Variants in TMC5 observed in about 807,000 individuals in gnomAD.
TMC5 encodes transmembrane channel like 5.
In TMC5, 86 loss-of-function variants were observed where a neutral mutation model predicts 110.5. The observed-to-expected ratio is 0.78, with a 90% CI of 0.65 to 0.93. The LOEUF (loss-of-function observed/expected upper bound fraction) is 0.93. Ranked by LOEUF, TMC5 falls within the 40% of genes least tolerant of loss-of-function variation. The probability of loss-of-function intolerance (pLI) is 0.00; values close to 1 mark genes in which losing one functional copy is unlikely to be tolerated. For synonymous variants in TMC5, 455 were observed against 439.5 expected (o/e 1.04, Z -0.44); for missense variants, 1,144 against 1,222.8 (o/e 0.94, Z 0.96).
intron 17 of TMC5, among the ~76,000 whole-genome samples, chr16:19,489,326 AATT>A (rs1444731973): frequency 6.6e-6 from 1 of 152,028 alleles, no homozygotes; most frequent in East Asian, 1.9e-4. Context: ...ATGCCTGGCT[AATT>A]ATTTTTTTAT....
At chr16:19,476,438 C>A (rs1968491280) in intron 12 of TMC5, among the ~76,000 whole-genome samples, 1 of 152,136 alleles carries the variant, frequency 6.6e-6, no homozygotes, top group African/African-American at 2.4e-5. Context: ...ATCCCAGCCA[C>A]CGATCCATGG....
chr16:19,448,315 C>T (rs1174739308), intron 4 of TMC5, among the ~76,000 whole-genome samples: 1 of 151,836 alleles, frequency 6.6e-6, no homozygotes, highest in Admixed American at 6.6e-5. Context: ...CACACACACA[C>T]ACACACACAC....
Position 19,481,315 on chromosome 16 carries a change from A to ATC in TMC5, c.2268-53_2268-52dup, listed in dbSNP as rs1968612850. 36 of 1,217,696 alleles carry ATC rather than the reference A, an allele frequency of 3.0e-5. No homozygotes were observed. In the South Asian group the frequency reaches 4.2e-4, roughly 14 times the overall value. 75.4% of individuals were successfully genotyped at this position (1,217,696 alleles called of 1,614,324 possible). A position where few individuals can be genotyped will look rare whatever the true frequency, so the allele number is the denominator to read the frequency against. ...TGTTGATTGTCCTAGTCTGTGGGGG[A>ATC]TCTTCTGAAAGTGGGAGTTATGGTT... On this transcript the variant is annotated intron_variant, in intron 14 of 21. Transcript: ENST00000542583.
chr16:19,480,081 C>G (rs1269060301), intron 14 of TMC5, among the ~76,000 whole-genome samples: 14 of 152,138 alleles, frequency 9.2e-5, no homozygotes, highest in Non-Finnish European at 1.5e-5. Context: ...TGTGTCTTTA[C>G]TATATAATGC....
intron 10 of TMC5, 103 bp from the exon 11 acceptor site, chr16:19,471,985 T>C: frequency 2.5e-6 from 3 of 1,204,390 alleles, no homozygotes; most frequent in Non-Finnish European, 3.5e-6. Context: ...GGTCTCAAAC[T>C]CCTGACCTCA....
At chr16:19,437,471 A>C (rs371013007) in intron 2 of TMC5, among the ~76,000 whole-genome samples, 1 of 152,242 alleles carries the variant, frequency 6.6e-6, no homozygotes, top group Admixed American at 6.5e-5. Context: ...GATGTCAACT[A>C]TGCTGAGAAA....
intron 1 of TMC5, among the ~76,000 whole-genome samples, chr16:19,428,994 TTTC>T (rs1967142611): frequency 6.6e-6 from 1 of 151,972 alleles, no homozygotes; most frequent in Non-Finnish European, 1.5e-5. Context: ...CCTGGCTCAT[TTTC>T]TTATTTTTAG....
intron 8 of TMC5, among the ~76,000 whole-genome samples, chr16:19,465,754 T>C (rs1189012539): frequency 6.6e-6 from 1 of 152,170 alleles, no homozygotes; most frequent in East Asian, 1.9e-4. Context: ...ATTAAGCATG[T>C]TTAGCCATAA....
intron 8 of TMC5, among the ~76,000 whole-genome samples, chr16:19,465,615 C>T (rs1239888244): frequency 6.6e-6 from 1 of 152,290 alleles, no homozygotes; most frequent in East Asian, 1.9e-4. Flanking sequence ...GGGCCTACTG[C>T]TATGTAGATT....
intron 1 of TMC5, 25 bp downstream of exon 1, chr16:19,418,117 G>A (rs946783686): frequency 1.3e-5 from 2 of 152,216 alleles, no homozygotes; most frequent in Admixed American, 6.6e-5. Flanking sequence ...TTTGAAGGAG[G>A]GGTGGGAGGT....
At chr16:19,451,901 C>T (rs144818047) in intron 5 of TMC5, among the ~76,000 whole-genome samples, 5 of 152,258 alleles carry the variant, frequency 3.3e-5, no homozygotes, top group East Asian at 1.9e-4. Flanking sequence ...CAGGTTCAAG[C>T]GATTCTTGTG....
chr16:19,459,815 G>T (rs1375405893), intron 5 of TMC5, among the ~76,000 whole-genome samples: 2 of 151,186 alleles, frequency 1.3e-5, no homozygotes, highest in East Asian at 3.9e-4. Context: ...CACTTTGGGA[G>T]GCTGAGGTGG....
upstream of TMC5, among the ~76,000 whole-genome samples, chr16:19,415,178 G>C (rs1211212539): frequency 6.6e-6 from 1 of 152,184 alleles, no homozygotes; most frequent in Non-Finnish European, 1.5e-5. Flanking sequence ...GGGCATATAT[G>C]TGTCATAAAC....
intron 5 of TMC5, chr16:19,456,620 C>T (rs1023579648): frequency 9.2e-6 from 14 of 1,519,988 alleles, no homozygotes; most frequent in African/African-American, 7.0e-5. Flanking sequence ...TTTTTCCCTG[C>T]GAGTCCCAAT....
chr16:19,421,023 G>T (rs1280237420), intron 1 of TMC5, among the ~76,000 whole-genome samples: 1 of 152,114 alleles, frequency 6.6e-6, no homozygotes, highest in Non-Finnish European at 1.5e-5. Context: ...GTCACCCCAA[G>T]AATTGTCATT....
chr16:19,432,375 T>G (rs1021742920), intron 2 of TMC5, among the ~76,000 whole-genome samples: 1 of 147,686 alleles, frequency 6.8e-6, no homozygotes. Context: ...AATAGATGGT[T>G]CAATAGCCCT....
Position 19,449,015 on chromosome 16 carries a change from C to T in TMC5, c.959-527C>T, listed in dbSNP as rs983530253. On this transcript the variant is annotated intron_variant, in intron 4 of 21. Transcript: ENST00000542583. ...CTGGGACTACAGGCGCCCGCCACTA[C>T]ACCCGGCTAATTTTTTTGTATTTTT... Among the ~76,000 whole-genome samples, 61 of 151,336 alleles carry T rather than the reference C, an allele frequency of 4.0e-4. 1 individual carries two copies. The highest frequency in any genetic ancestry group is 8.8e-5 in the Non-Finnish European group (6 of 67,830).
intron 5 of TMC5, among the ~76,000 whole-genome samples, chr16:19,457,728 T>TTTTTC (rs1567310769): frequency 1.8e-5 from 2 of 109,426 alleles, no homozygotes; most frequent in East Asian, 4.6e-4. Context: ...TTTTTTTTTT[T>TTTTTC]TTTTTTTTTT....
intron 1 of TMC5, among the ~76,000 whole-genome samples, chr16:19,412,766 A>T (rs1044137567): frequency 6.6e-6 from 1 of 152,212 alleles, no homozygotes; most frequent in African/African-American, 2.4e-5. Context: ...AAATGCTGTG[A>T]CCGCCCTCTA....
Sources: gnomAD v4.1 joint callset for allele counts (sites outside exome capture counted in the v4.1 genomes callset) on GRCh38, gnomAD v4.1.1 for gene constraint, MANE v1.5 for transcripts, NCBI Gene and HGNC (gene_info 2026-07-23, HGNC 2026-07-21) for gene names.